Variants in NALF1 observed in about 807,000 individuals in gnomAD.
NALF1 encodes the protein NALCN channel auxiliary factor 1.
NALF1 carries 3 observed loss-of-function variants against 48.4 expected under a neutral mutation model. The observed-to-expected ratio is 0.06, with a 90% CI of 0.03 to 0.16. The LOEUF is 0.16. Ranked by LOEUF, NALF1 falls within the 10% of genes least tolerant of loss-of-function variation. The pLI, the probability that NALF1 is intolerant of heterozygous loss-of-function variation, is 1.00. For synonymous variants in NALF1, 262 were observed against 245.7 expected, an observed-to-expected ratio of 1.07 and a Z score of -0.62; for missense variants, 526 against 571.5, an observed-to-expected ratio of 0.92 and a Z score of 0.81.
chr13:107,634,144 A>G (rs1169192465), intron 1 of NALF1, among the ~76,000 whole-genome samples: 1 of 152,112 alleles, frequency 6.6e-6, no homozygotes, highest in African/African-American at 2.4e-5. Context: ...CTGATTAATC[A>G]ACAAGCATTT....
chr13:107,329,417 A>G (rs868484656), intron 1 of NALF1, among the ~76,000 whole-genome samples: 6 of 152,248 alleles, frequency 3.9e-5, no homozygotes, highest in East Asian at 1.9e-4. Flanking sequence ...TCTGACACAG[A>G]TAAGTGTTTT....
chr13:107,202,972 A>C (rs560902464), intron 2 of NALF1, among the ~76,000 whole-genome samples: 1 of 152,322 alleles, frequency 6.6e-6, no homozygotes, highest in Non-Finnish European at 1.5e-5. Context: ...AAACTAGATG[A>C]CTTCAGTAAT....
chr13:107,179,399 C>T (rs1879013935), intron 2 of NALF1, among the ~76,000 whole-genome samples: 1 of 150,792 alleles, frequency 6.6e-6, no homozygotes, highest in South Asian at 2.1e-4. Context: ...GTGGGGATGG[C>T]TAATGAGTGC....
intron 1 of NALF1, among the ~76,000 whole-genome samples, chr13:107,726,700 C>A (rs1397521797): frequency 6.6e-6 from 1 of 151,668 alleles, no homozygotes; most frequent in Admixed American, 6.6e-5. Context: ...ACCTCCGCCT[C>A]CCAGGTTCAA....
intron 1 of NALF1, among the ~76,000 whole-genome samples, chr13:107,376,025 T>G (rs941133838): frequency 6.6e-6 from 1 of 152,106 alleles, no homozygotes; most frequent in Non-Finnish European, 1.5e-5. Context: ...GGCTAGATCA[T>G]GAAGAATTTT....
rs1374083380 is a variant in NALF1 at position 107,542,761 on chromosome 13, C to T, written c.915+322921G>A. Among the ~76,000 whole-genome samples, 3 of 152,080 alleles carry T rather than the reference C, an allele frequency of 2.0e-5. No individual in the cohort carries two copies. In the East Asian group the frequency reaches 5.8e-4, roughly 29 times the overall value. ...ATGCTGATAATTCCATATGGCTACTCAGCAAGTAAATTTGAATTCTTAGCT... is the reference window on the plus strand; with the variant it reads ...ATGCTGATAATTCCATATGGCTACTTAGCAAGTAAATTTGAATTCTTAGCT... On this transcript the variant is annotated intron_variant, in intron 1 of 2. Transcript: ENST00000375915.
rs372355554 is a variant in NALF1, at chr13:107,866,201, G to A, written c.396C>T (p.Pro132=). 3.1e-6 allele frequency: 5 copies of A among 1,601,358 alleles called. No homozygotes were observed. Among genetic ancestry groups the A allele is most frequent in the African/African-American group, 2.7e-5 (2 of 74,722 alleles). The change falls in exon 1 of 3, where the codon CCC becomes CCT. Residue 132 remains proline (P), a synonymous_variant. Transcript: ENST00000375915. This position sits in a 1 kb window ranked among gnomAD's most constrained non-coding sequence, Gnocchi z 4.4. Reference sequence around the variant, plus strand: ...CGCCGCCGCCGTCTCCCGGGGAGGGGGGCAGGGTGGGGGACGAGGAGGCGG... The same window carrying A: ...CGCCGCCGCCGTCTCCCGGGGAGGGAGGCAGGGTGGGGGACGAGGAGGCGG... ...LLSASSSPTL[P]PSPGDGGGGG...
In NALF1 at chr13:107,866,006, C is replaced by T. The variant is rs145264441; in HGVS notation, c.591G>A (p.Arg197=). 4.6e-5 allele frequency: 74 copies of T among 1,612,158 alleles called. No individual in the cohort carries two copies. The highest frequency in any genetic ancestry group is 6.1e-5 in the Non-Finnish European group (72 of 1,179,966). Residue 197 remains arginine, a synonymous_variant, in exon 1 of 3, where the codon CGG becomes CGA. Transcript: ENST00000375915. The surrounding 1 kb of genome is among the most constrained non-coding windows in gnomAD (Gnocchi z 4.4). Reference sequence around the variant, plus strand: ...CCTGCCCGTCCCCCCCGGCCGCCCCCCGACTCCAGTTCCTGGCGCACACCG... The same window carrying T: ...CCTGCCCGTCCCCCCCGGCCGCCCCTCGACTCCAGTTCCTGGCGCACACCG... The part of the protein sequence containing the change: ...ADAVCARNWS[R]GAAGGDGQEV...
intron 1 of NALF1, among the ~76,000 whole-genome samples, chr13:107,706,713 A>AT (rs1377099358): frequency 6.6e-6 from 1 of 152,206 alleles, no homozygotes; most frequent in Non-Finnish European, 1.5e-5. Flanking sequence ...ACTAGAATGA[A>AT]TGGATATACA....
chr13:107,337,090 A>C (rs1882575235), intron 1 of NALF1, among the ~76,000 whole-genome samples: 2 of 147,628 alleles, frequency 1.4e-5, no homozygotes, highest in South Asian at 2.2e-4. Context: ...TCAGAAGAAA[A>C]GAGACTCTTT....
chr13:107,690,216 C>G (rs2138503465), intron 1 of NALF1, among the ~76,000 whole-genome samples: 1 of 152,326 alleles, frequency 6.6e-6, no homozygotes, highest in Non-Finnish European at 1.5e-5. Flanking sequence ...GTGCTCCTAA[C>G]TCCATACTTA....
intron 1 of NALF1, among the ~76,000 whole-genome samples, chr13:107,391,223 A>G (rs1010536496): frequency 2.6e-5 from 4 of 151,924 alleles, no homozygotes; most frequent in Non-Finnish European, 5.9e-5. Flanking sequence ...GATGATAGAA[A>G]ACTGCTGAGG....
intron 1 of NALF1, among the ~76,000 whole-genome samples, chr13:107,418,963 T>C (rs1884139425): frequency 6.6e-6 from 1 of 152,214 alleles, no homozygotes; most frequent in Non-Finnish European, 1.5e-5. Context: ...GAAAAGTAGA[T>C]GGCAAGAATA....
intron 1 of NALF1, among the ~76,000 whole-genome samples, chr13:107,339,393 G>T (rs1296182656): frequency 6.6e-6 from 1 of 151,956 alleles, no homozygotes; most frequent in Non-Finnish European, 1.5e-5. Context: ...TTTAATGCAC[G>T]TGTGAGTCAT....
intron 1 of NALF1, among the ~76,000 whole-genome samples, chr13:107,672,786 T>C (rs1188992346): frequency 6.6e-6 from 1 of 152,170 alleles, no homozygotes; most frequent in African/African-American, 2.4e-5. Flanking sequence ...TTTTAAATTA[T>C]CTGAGGTAAA....
At position 107,866,097 on chromosome 13, in the gene NALF1, C is replaced by T. The variant is rs1267429466; in HGVS notation, c.500G>A (p.Arg167His). Residue 167 changes from arginine (R) to histidine (H), a missense_variant, in exon 1 of 3, where the codon CGC becomes CAC. Transcript: ENST00000375915. The surrounding 1 kb of genome is among the most constrained non-coding windows in gnomAD (Gnocchi z 4.4). ...FLGNSAKPVW[R>H]LETCYPQGAS... ...GCCCTGGGGGTAACAAGTCTCCAGGCGCCACACGGGCTTGGCAGAGTTTCC... is the reference window on the plus strand; with the variant it reads ...GCCCTGGGGGTAACAAGTCTCCAGGTGCCACACGGGCTTGGCAGAGTTTCC... 1 of 1,612,930 alleles carries T rather than the reference C, an allele frequency of 6.2e-7. No individual in the cohort carries two copies. The highest frequency in any genetic ancestry group is 8.5e-7 in the Non-Finnish European group (1 of 1,179,930).
intron 2 of NALF1, among the ~76,000 whole-genome samples, chr13:107,204,109 C>T (rs1445110849): frequency 2.1e-5 from 3 of 141,682 alleles, no homozygotes; most frequent in Non-Finnish European, 3.0e-5. Flanking sequence ...CAGAGAGGGG[C>T]GCCCACAAGC....
intron 1 of NALF1, among the ~76,000 whole-genome samples, chr13:107,621,290 T>G (rs1395748271): frequency 6.6e-6 from 1 of 152,222 alleles, no homozygotes; most frequent in East Asian, 1.9e-4. Context: ...TTTTTTCTAG[T>G]ATTAATATTA....
intron 1 of NALF1, among the ~76,000 whole-genome samples, chr13:107,367,721 G>A (rs1883176001): frequency 6.6e-6 from 1 of 152,110 alleles, no homozygotes; most frequent in Non-Finnish European, 1.5e-5. Context: ...CATTTCATTT[G>A]ACATCATGGC....
Sources: allele counts gnomAD v4.1 joint callset (sites outside exome capture counted in the v4.1 genomes callset), GRCh38; gene constraint gnomAD v4.1.1; non-coding constraint Gnocchi (gnomAD v3.1); transcripts MANE v1.5; gene names NCBI Gene and HGNC (gene_info 2026-07-23, HGNC 2026-07-21).